Variants in ZNF780A observed in about 807,000 individuals in gnomAD.
ZNF780A encodes the protein zinc finger protein 780A.
A neutral mutation model predicts 56.7 loss-of-function variants in ZNF780A; 40 were observed. The ratio of observed to expected loss-of-function variants is 0.71; its 90% CI spans 0.55 to 0.92. The LOEUF (loss-of-function observed/expected upper bound fraction) is 0.92, where lower values mean the gene tolerates loss of function less well. Ranked by LOEUF, ZNF780A falls within the 40% of genes least tolerant of loss-of-function variation. The pLI, the probability that ZNF780A is intolerant of heterozygous loss-of-function variation, is 0.00. For missense variants in ZNF780A, 672 were observed against 783.3 expected (o/e 0.86, Z 1.70); for synonymous variants, 231 against 248.3 (o/e 0.93, Z 0.66).
rs146357602 is a variant in ZNF780A, at chr19:40,089,493, C to T, written c.-46+673G>A. 1,573 of 370,552 alleles carry T rather than the reference C, an allele frequency of 4.2e-3. 8 individuals carry two copies. The highest frequency in any genetic ancestry group is 0.011 in the South Asian group (107 of 9,852). 23.0% of individuals were successfully genotyped at this position (370,552 alleles called of 1,614,324 possible). A position where few individuals can be genotyped will look rare whatever the true frequency, so the allele number is the denominator to read the frequency against. Reference sequence around the variant, plus strand: ...AAAACATATTAAACATTATTATATGCCTAGCACTGCTCTAAGGGGCTTTAC... The same window carrying T: ...AAAACATATTAAACATTATTATATGTCTAGCACTGCTCTAAGGGGCTTTAC... On this transcript the variant is annotated intron_variant, in intron 2 of 5. Coordinates refer to ENST00000683561, the MANE Select transcript of ZNF780A (RefSeq NM_001142578.2).
At position 40,073,661 on chromosome 19, in the gene ZNF780A, C is replaced by T. The variant is rs1973921447; in HGVS notation, c.*855G>A. 2.0e-6 allele frequency: 2 copies of T among 985,998 alleles called. No individual in the cohort carries two copies. The highest frequency in any genetic ancestry group is 4.7e-5 in the South Asian group (1 of 21,316). The allele number at this position is 985,998 out of a possible 1,614,324, so 61.1% of individuals were successfully genotyped here. On this transcript the variant is annotated 3_prime_UTR_variant, in exon 6 of 6. Transcript: ENST00000683561. ...AGGTATTTAGTGTGGCTATAAAACG[C>T]CCCACATTCCTTACACTCAAAGATT...
At position 40,075,517 on chromosome 19, in the gene ZNF780A, C is replaced by T. The variant is rs770972919; in HGVS notation, c.925G>A (p.Glu309Lys). Reference protein sequence around the residue: ...HSNEKPFVCKECGMAFRYHYQ... With the variant: ...HSNEKPFVCKKCGMAFRYHYQ... The stretch of plus-strand genomic sequence containing the variant: ...TGATATCGAAAGGCCATCCCACATT[C>T]CTTACATACAAAGGGTTTCTCATTG... Residue 309 changes from glutamate (E) to lysine (K), a missense_variant, in exon 6 of 6, where the codon GAA (glutamate) becomes AAA (lysine). Physicochemically the swap from Glu to Lys is moderately conservative, Grantham distance 56. Coordinates refer to ENST00000683561, the MANE Select transcript of ZNF780A (RefSeq NM_001142578.2). 6.2e-7 allele frequency: 1 copy of T among 1,613,206 alleles called. No homozygotes were observed. The highest frequency in any genetic ancestry group is 8.5e-7 in the Non-Finnish European group (1 of 1,179,814).
In ZNF780A at chr19:40,074,659, G is replaced by A. The variant is rs144932896; in HGVS notation, c.1783C>T (p.Arg595Ter). ...FECKECGKAF[R>*]LHMQLIRHQK... Reference sequence around the variant, plus strand: ...TGTCGAATAAGTTGCATATGAAGTCGAAAGGCTTTCCCACACTCCTTACAT... The same window carrying A: ...TGTCGAATAAGTTGCATATGAAGTCAAAAGGCTTTCCCACACTCCTTACAT... The change falls in exon 6 of 6, where the codon CGA becomes TGA. Residue 595 changes from arginine (R) to a stop codon, truncating the protein, a stop_gained. Coordinates refer to ENST00000683561, the MANE Select transcript of ZNF780A (RefSeq NM_001142578.2). LOFTEE classifies it high-confidence loss of function. The A allele has an allele frequency of 1.8e-5, 29 of 1,609,262 alleles. No homozygotes were observed. The highest frequency in any genetic ancestry group is 1.5e-4 in the African/African-American group (11 of 73,696).
In ZNF780A at chr19:40,073,299, C is replaced by T. The variant is rs1973903853; in HGVS notation, c.*1217G>A. ...GGGCAGAATTTGTGGTATCCCAAAG[C>T]AATTACAATAGCAACATCAAAAATC... On this transcript the variant is annotated 3_prime_UTR_variant, in exon 6 of 6. Transcript: ENST00000683561. 3.7e-6 allele frequency: 1 copy of T among 267,184 alleles called. No homozygotes were observed. Among genetic ancestry groups the T allele is most frequent in the Non-Finnish European group, 6.1e-6 (1 of 164,910 alleles). 16.6% of individuals were successfully genotyped at this position (267,184 alleles called of 1,614,324 possible).
At chr19:40,085,517 T>A (rs916176022) in intron 2 of ZNF780A, among the ~76,000 whole-genome samples, 1 of 151,964 alleles carries the variant, frequency 6.6e-6, no homozygotes, top group African/African-American at 2.4e-5. Context: ...TAGAAAAAAA[T>A]TTAGAAAATT....
downstream of ZNF780A, chr19:40,072,905 A>C (rs879039057): frequency 3.9e-6 from 6 of 1,550,560 alleles, no homozygotes; most frequent in South Asian, 4.8e-5. Context: ...AACCAAATGC[A>C]ATGCAGATTC....
Position 40,075,549 on chromosome 19 carries a change from A to G in ZNF780A, c.893T>C (p.Ile298Thr). ...TACAAAGGGTTTCTCATTGGAATGA[A>G]TTTTCTGATGCTGAATAAGGTGTGC... ...RGAHLIQHQK[I>T]HSNEKPFVCK... The change falls in exon 6 of 6, where the codon ATT becomes ACT. Residue 298 changes from isoleucine (I) to threonine (T), a missense_variant. Coordinates refer to ENST00000683561, the MANE Select transcript of ZNF780A (RefSeq NM_001142578.2). 6.2e-7 allele frequency: 1 copy of G among 1,613,136 alleles called. No individual in the cohort carries two copies. The highest frequency in any genetic ancestry group is 8.5e-7 in the Non-Finnish European group (1 of 1,179,758).
chr19:40,072,681 G>A, downstream of ZNF780A: 1 of 1,006,992 alleles, frequency 9.9e-7, no homozygotes, highest in Non-Finnish European at 1.3e-6. Context: ...GAAGAATGAG[G>A]AGAAAGGAGA....
chr19:40,078,052 T>G (rs959000369), intron 5 of ZNF780A, among the ~76,000 whole-genome samples: 3 of 145,950 alleles, frequency 2.1e-5, no homozygotes, highest in African/African-American at 7.6e-5. Flanking sequence ...TACAAACAAA[T>G]CAGAAAAAAA....
intron 2 of ZNF780A, among the ~76,000 whole-genome samples, chr19:40,087,592 A>C (rs1327770783): frequency 1.3e-5 from 2 of 152,182 alleles, no homozygotes; most frequent in East Asian, 1.9e-4. Flanking sequence ...CCATAAATGG[A>C]GTCACAGGAA....
chr19:40,085,061 C>A (rs1295289260), intron 2 of ZNF780A: 1 of 859,986 alleles, frequency 1.2e-6, no homozygotes, highest in Non-Finnish European at 1.4e-6. Flanking sequence ...GGCATTTCTG[C>A]CTTGAAGTTG....
chr19:40,072,678 G>C (rs1973876795), downstream of ZNF780A: 1 of 788,964 alleles, frequency 1.3e-6, no homozygotes, highest in Non-Finnish European at 1.7e-6. Context: ...AAAGAAGAAT[G>C]AGGAGAAAGG....
In ZNF780A at chr19:40,081,808, C is replaced by A. The variant is rs1974495029; in HGVS notation, c.232+11G>T. ...TGATGGCTTCCCCCCGCCTGCTTTA[C>A]CCTCACTTACCTGGATACCGTCTGC... On this transcript the variant is annotated intron_variant, in intron 5 of 5. Transcript: ENST00000683561. 1.2e-6 allele frequency: 2 copies of A among 1,607,868 alleles called. No individual in the cohort carries two copies. The highest frequency in any genetic ancestry group is 1.7e-6 in the Non-Finnish European group (2 of 1,175,016).
In ZNF780A at chr19:40,087,470, A is replaced by C. The variant is rs568943356; in HGVS notation, c.-45-2672T>G. Among the ~76,000 whole-genome samples the C allele has an allele frequency of 2.6e-5, 4 of 152,268 alleles. No individual in the cohort carries two copies. The South Asian group carries it at 6.2e-4, about 24-fold the overall frequency. The stretch of plus-strand genomic sequence containing the variant: ...GGATCCAAACCTCATGGGTCACATA[A>C]ATTTTTTTGATAATCTTATGAAATG... On this transcript the variant is annotated intron_variant, in intron 2 of 5. Transcript: ENST00000683561.
Position 40,089,359 on chromosome 19 carries a change from TTTC to T in ZNF780A, c.-46+804_-46+806del. 3.2e-6 allele frequency: 4 copies of T among 1,251,650 alleles called. No individual in the cohort carries two copies. The South Asian group carries it at 9.8e-5, about 31-fold the overall frequency. The allele number at this position is 1,251,650 out of a possible 1,614,324, so 77.5% of individuals were successfully genotyped here. A position where few individuals can be genotyped will look rare whatever the true frequency, so the allele number is the denominator to read the frequency against. The stretch of plus-strand genomic sequence containing the variant: ...TAGATCATTTGAGCCCCTCACTCAT[TTTC>T]TTAATATACAACCAGCAGTCGCAAT... On this transcript the variant is annotated intron_variant, in intron 2 of 5. Coordinates refer to ENST00000683561, the MANE Select transcript of ZNF780A (RefSeq NM_001142578.2).
At chr19:40,078,455 A>G (rs1004174270) in intron 5 of ZNF780A, among the ~76,000 whole-genome samples, 2 of 152,304 alleles carry the variant, frequency 1.3e-5, no homozygotes, top group African/African-American at 4.8e-5. Flanking sequence ...ATACCCAAAT[A>G]CATAACAACA....
chr19:40,082,837 G>T (rs1416934740), intron 4 of ZNF780A, among the ~76,000 whole-genome samples: 1 of 152,176 alleles, frequency 6.6e-6, no homozygotes, highest in African/African-American at 2.4e-5. Flanking sequence ...ATCTTTCAAT[G>T]AATGTACAAG....
rs1390247587 is a variant in ZNF780A, at chr19:40,075,747, A to C, written c.695T>G (p.Leu232Arg). ...ECNECGKAFS[L>R]LTLLNRHKNI... is the part of the protein sequence containing the mutation. ...CTTATGGCGATTAAGCAGGGTAAGA[A>C]GACTAAAGGCCTTTCCACATTCGTT... is the stretch of plus-strand genomic sequence containing the variant. The change falls in exon 6 of 6, where the codon CTT (leucine) becomes CGT (arginine). Residue 232 changes from leucine (L) to arginine (R), a missense_variant. Transcript: ENST00000683561. 1.2e-6 allele frequency: 2 copies of C among 1,614,150 alleles called. No individual in the cohort carries two copies. The highest frequency in any genetic ancestry group is 3.3e-5 in the Admixed American group (2 of 60,020).
At chr19:40,072,885 A>T, downstream of ZNF780A, 1 of 1,549,660 alleles carries the variant, frequency 6.5e-7, no homozygotes, top group Non-Finnish European at 8.7e-7. Context: ...ACAATACACT[A>T]AAGAGAGATA....
Sources: allele counts gnomAD v4.1 joint callset (sites outside exome capture counted in the v4.1 genomes callset), GRCh38; gene constraint gnomAD v4.1.1; transcripts MANE v1.5; gene names NCBI Gene and HGNC (gene_info 2026-07-23, HGNC 2026-07-21).